Variants in USP28 observed in about 807,000 individuals in gnomAD.
USP28 encodes ubiquitin specific peptidase 28.
USP28 carries 113 observed loss-of-function variants against 145.0 expected under a neutral mutation model. The ratio of observed to expected loss-of-function variants is 0.78; its 90% CI spans 0.67 to 0.91. The LOEUF is 0.91. Among genes scored for constraint, USP28 ranks in the 40% least tolerant of loss-of-function variants. The probability of loss-of-function intolerance (pLI) is 0.00; values close to 1 mark genes in which losing one functional copy is unlikely to be tolerated. For synonymous variants in USP28, 447 were observed against 450.9 expected (o/e 0.99, Z 0.11); for missense variants, 1,201 against 1,289.6 (o/e 0.93, Z 1.05).
At chr11:113,798,686 A>C (rs1591442496) in exon 25 of USP28, 1 of 152,660 alleles carries the variant, frequency 6.6e-6, no homozygotes, top group African/African-American at 2.4e-5. Flanking sequence ...TGACTTTTCA[A>C]CATCTCACTG....
intron 1 of USP28, among the ~76,000 whole-genome samples, chr11:113,875,036 C>T (rs1195591101): frequency 6.6e-6 from 1 of 152,162 alleles, no homozygotes; most frequent in Non-Finnish European, 1.5e-5. Context: ...CTGCTTTAAC[C>T]TTTTAAAAAC....
chr11:113,833,690 T>C lies in USP28; in HGVS notation c.622-133A>G, dbSNP rs371627656. ...GATCTAGGTCAAAGTCACAGGGCTA[T>C]GTGTGTTACAGGGACTCTGGTAAGG... On this transcript the variant is annotated intron_variant, in intron 6 of 24. Coordinates refer to ENST00000003302, the Ensembl canonical transcript of USP28. The C allele has an allele frequency of 2.1e-3, 1,690 of 816,680 alleles. 5 individuals carry two copies. The highest frequency in any genetic ancestry group is 0.016 in the Middle Eastern group (44 of 2,714). The allele number at this position is 816,680 out of a possible 1,614,324, so 50.6% of individuals were successfully genotyped here. A position where few individuals can be genotyped will look rare whatever the true frequency, so the allele number is the denominator to read the frequency against.
chr11:113,830,737 G>A (rs1300099491), intron 9 of USP28, 130 bp downstream of exon 9: 3 of 742,920 alleles, frequency 4.0e-6, no homozygotes, highest in African/African-American at 1.8e-5. Context: ...GATACCAAGA[G>A]GCAGAACCAA....
At chr11:113,807,063 A>C (rs1940107710) in intron 18 of USP28, among the ~76,000 whole-genome samples, 1 of 151,874 alleles carries the variant, frequency 6.6e-6, no homozygotes, top group Non-Finnish European at 1.5e-5. Context: ...TAAAGTAAAA[A>C]CTTTTCAAGG....
intron 13 of USP28, among the ~76,000 whole-genome samples, chr11:113,816,468 A>G (rs1941754599): frequency 6.6e-6 from 1 of 152,102 alleles, no homozygotes; most frequent in Admixed American, 6.6e-5. Context: ...AGCTGAGATC[A>G]TGCCACTGTA....
At chr11:113,870,372 A>T (rs11214750) in intron 1 of USP28, among the ~76,000 whole-genome samples, 7,383 of 152,182 alleles carry the variant, frequency 0.049, 525 homozygotes, top group East Asian at 0.3. Context: ...ATAAAAAATT[A>T]AAAAAACAGC....
chr11:113,837,350 G>A (rs1479766366), intron 5 of USP28, among the ~76,000 whole-genome samples: 2 of 152,156 alleles, frequency 1.3e-5, no homozygotes, highest in African/African-American at 4.8e-5. Context: ...ATCCAGTATG[G>A]AGATCTCTCG....
intron 12 of USP28, among the ~76,000 whole-genome samples, chr11:113,822,081 A>G (rs979078224): frequency 4.6e-5 from 7 of 152,178 alleles, no homozygotes; most frequent in African/African-American, 1.7e-4. Flanking sequence ...GTAAATTGGT[A>G]TTTTTGAACT....
intron 8 of USP28, 149 bp downstream of exon 8, chr11:113,831,771 A>G: frequency 1.8e-6 from 1 of 564,284 alleles, no homozygotes; most frequent in Non-Finnish European, 3.0e-6. Flanking sequence ...GGCGACAGGG[A>G]TACATGATGA....
At chr11:113,874,309 G>A (rs934003881) in intron 1 of USP28, among the ~76,000 whole-genome samples, 1 of 150,562 alleles carries the variant, frequency 6.6e-6, no homozygotes, top group African/African-American at 2.4e-5. Flanking sequence ...AAAATTAGCC[G>A]GGCCGGTGGC....
intron 4 of USP28, 35 bp downstream of exon 4, chr11:113,841,628 T>C (rs1356037371): frequency 3.5e-6 from 5 of 1,439,650 alleles, no homozygotes; most frequent in East Asian, 4.6e-5. Context: ...TACACACAAA[T>C]GTGGGGGGCA....
At chr11:113,821,410 C>T (rs1942582656) in intron 12 of USP28, 1 of 227,496 alleles carries the variant, frequency 4.4e-6, no homozygotes, top group Non-Finnish European at 9.8e-6. Flanking sequence ...TGCTCCAAAG[C>T]ATTTATTCTG....
chr11:113,799,439 AC>A (rs753569944), intron 24 of USP28, 24 bp from the exon 26 acceptor site: 1 of 1,605,738 alleles, frequency 6.2e-7, no homozygotes, highest in South Asian at 1.1e-5. Flanking sequence ...ACAGATGGTT[AC>A]ATATACAGCT....
intron 16 of USP28, among the ~76,000 whole-genome samples, chr11:113,810,649 A>G (rs911131650): frequency 6.6e-6 from 1 of 152,208 alleles, no homozygotes; most frequent in Non-Finnish European, 1.5e-5. Flanking sequence ...AATCAGAAAG[A>G]TAACGTGCTG....
chr11:113,874,415 ACT>A (rs369077170), intron 1 of USP28: 13,659 of 1,031,136 alleles, frequency 0.013, 211 homozygotes, highest in Non-Finnish European at 0.015. Context: ...ACAGAGGGAG[ACT>A]CTGTCGAAAA....
chr11:113,833,230 C>G (rs150004964), intron 7 of USP28, among the ~76,000 whole-genome samples, 190 bp downstream of exon 7: 2 of 152,184 alleles, frequency 1.3e-5, no homozygotes, highest in Non-Finnish European at 2.9e-5. Context: ...GTGCAACACA[C>G]GCACACTCTC....
chr11:113,844,042 A>G (rs1945531964), intron 3 of USP28, among the ~76,000 whole-genome samples: 1 of 152,202 alleles, frequency 6.6e-6, no homozygotes. Context: ...GTAAATCTTC[A>G]TGACCTTAGA....
chr11:113,845,120 A>C (rs1174246926), intron 3 of USP28, among the ~76,000 whole-genome samples: 1 of 150,870 alleles, frequency 6.6e-6, no homozygotes, highest in Non-Finnish European at 1.5e-5. Flanking sequence ...CCTTCTCAAA[A>C]AAAAAAAAAA....
At chr11:113,825,930 A>G (rs1025306148) in intron 11 of USP28, among the ~76,000 whole-genome samples, 47 of 152,282 alleles carry the variant, frequency 3.1e-4, no homozygotes, top group African/African-American at 1.1e-3. Context: ...ATTTGACTGT[A>G]CATTTGTCAG....
Sources: allele counts gnomAD v4.1 joint callset (sites outside exome capture counted in the v4.1 genomes callset), GRCh38; gene constraint gnomAD v4.1.1; transcripts MANE v1.5; gene names NCBI Gene and HGNC (gene_info 2026-07-23, HGNC 2026-07-21).